VEPH1: variants seen among roughly 807,000 people sequenced by gnomAD.
VEPH1 encodes ventricular zone-expressed PH domain-containing protein homolog 1.
VEPH1 carries 80 observed loss-of-function variants against 85.2 expected under a neutral mutation model. That is an observed-to-expected ratio of 0.94 (90% CI 0.78 to 1.13). The LOEUF (loss-of-function observed/expected upper bound fraction) is 1.13. Among genes scored for constraint, VEPH1 ranks in the 50% most tolerant of loss-of-function variants. The pLI is 0.00. For synonymous variants in VEPH1, 297 were observed against 348.0 expected, an observed-to-expected ratio of 0.85 and a Z score of 1.63; for missense variants, 955 against 980.5, an observed-to-expected ratio of 0.97 and a Z score of 0.35.
chr3:157,389,957 G>A (rs1729701309), intron 6 of VEPH1, among the ~76,000 whole-genome samples: 1 of 152,012 alleles, frequency 6.6e-6, no homozygotes, highest in South Asian at 2.1e-4. Flanking sequence ...GCACTAATTG[G>A]GCTTTTCTTT....
In VEPH1 at chr3:157,488,484, T is replaced by A. The variant is rs146571396; in HGVS notation, c.138+6728A>T. On this transcript the variant is annotated intron_variant, in intron 2 of 13. Transcript: ENST00000362010. The stretch of plus-strand genomic sequence containing the variant: ...CACCTGGCATTCAGGAAACCATGAT[T>A]TTCTGACTTTCTTTCTTTCTTTCTT... Among the ~76,000 whole-genome samples the A allele has an allele frequency of 1.5e-4, 22 of 151,502 alleles. No individual in the cohort carries two copies. The East Asian group carries it at 4.3e-3, about 29-fold the overall frequency.
chr3:157,298,124 A>G (rs1718357349), intron 11 of VEPH1, among the ~76,000 whole-genome samples: 1 of 152,232 alleles, frequency 6.6e-6, no homozygotes, highest in South Asian at 2.1e-4. Context: ...TTATGAAATA[A>G]TAGTTTTATA....
intron 12 of VEPH1, among the ~76,000 whole-genome samples, chr3:157,282,597 G>A (rs185354874): frequency 6.6e-6 from 1 of 152,290 alleles, no homozygotes; most frequent in East Asian, 1.9e-4. Context: ...GTTGTTTTTT[G>A]TAGGGTGTAA....
intron 4 of VEPH1, among the ~76,000 whole-genome samples, chr3:157,439,470 A>C (rs2109214191): frequency 6.6e-6 from 1 of 152,334 alleles, no homozygotes; most frequent in South Asian, 2.1e-4. Context: ...TAATCAGAAA[A>C]ACCTATTAGT....
At chr3:157,439,262 T>C (rs1004045664) in intron 4 of VEPH1, among the ~76,000 whole-genome samples, 3 of 152,236 alleles carry the variant, frequency 2.0e-5, no homozygotes, top group Admixed American at 1.3e-4. Flanking sequence ...CTCTATTTTT[T>C]ATCTTCATCT....
intron 2 of VEPH1, among the ~76,000 whole-genome samples, chr3:157,484,336 G>T (rs2109638048): frequency 6.6e-6 from 1 of 152,268 alleles, no homozygotes; most frequent in Non-Finnish European, 1.5e-5. Flanking sequence ...ATGTTGCCCA[G>T]GCTGGAGTAC....
Position 157,259,874 on chromosome 3 carries a change from T to TA in VEPH1, c.*1259dup, listed in dbSNP as rs1712669664. ...AAGGCGTTGGCTGGGGCTGGGCTTT[T>TA]ATCTGAGGTTCAGATGCTTCTTCCA... On this transcript the variant is annotated 3_prime_UTR_variant, in exon 14 of 14. Coordinates refer to ENST00000362010, the MANE Select transcript of VEPH1 (RefSeq NM_001167912.2). 6.6e-6 allele frequency: 1 copy of TA among 152,246 alleles called. No homozygotes were observed. The highest frequency in any genetic ancestry group is 1.5e-5 in the Non-Finnish European group (1 of 68,056). 9.4% of individuals were successfully genotyped at this position (152,246 alleles called of 1,614,324 possible).
chr3:157,436,684 C>T, intron 4 of VEPH1: 1 of 371,136 alleles, frequency 2.7e-6, no homozygotes. Flanking sequence ...TAAACCTTTG[C>T]GGTTTAATAT....
At chr3:157,301,086 C>G (rs1559936926) in intron 11 of VEPH1, among the ~76,000 whole-genome samples, 1 of 152,180 alleles carries the variant, frequency 6.6e-6, no homozygotes, top group African/African-American at 2.4e-5. Flanking sequence ...TGATAAAAAT[C>G]CATCTTTTGC....
chr3:157,392,002 G>A (rs1157176021), intron 6 of VEPH1, among the ~76,000 whole-genome samples: 1 of 152,144 alleles, frequency 6.6e-6, no homozygotes, highest in African/African-American at 2.4e-5. Context: ...AAATGAAGGA[G>A]AAATAAAATA....
intron 4 of VEPH1, among the ~76,000 whole-genome samples, chr3:157,440,604 A>T (rs954552864): frequency 1.3e-5 from 2 of 152,078 alleles, no homozygotes; most frequent in African/African-American, 2.4e-5. Flanking sequence ...ATATATACAC[A>T]CACATTTATA....
chr3:157,338,491 A>G (rs1401406910), intron 9 of VEPH1, among the ~76,000 whole-genome samples: 1 of 152,230 alleles, frequency 6.6e-6, no homozygotes, highest in Non-Finnish European at 1.5e-5. Context: ...CCCCATCATG[A>G]TTAAAAGGTG....
At chr3:157,270,868 C>T (rs1048001024) in intron 12 of VEPH1, among the ~76,000 whole-genome samples, 10 of 151,836 alleles carry the variant, frequency 6.6e-5, no homozygotes, top group Admixed American at 5.9e-4. Context: ...GAAGTACAAG[C>T]CACATGTTAC....
intron 9 of VEPH1, 80 bp downstream of exon 9, chr3:157,363,284 T>A: frequency 7.4e-7 from 1 of 1,359,514 alleles, no homozygotes; most frequent in South Asian, 1.8e-5. Context: ...AAGAGTATGC[T>A]AATTTACCTG....
intron 9 of VEPH1, among the ~76,000 whole-genome samples, chr3:157,332,180 G>A (rs994348291): frequency 3.3e-5 from 5 of 152,140 alleles, no homozygotes; most frequent in African/African-American, 1.2e-4. Flanking sequence ...TAAGTATGGA[G>A]TTTATCACAG....
At chr3:157,316,086 A>G (rs1720725497) in intron 10 of VEPH1, 1 of 152,084 alleles carries the variant, frequency 6.6e-6, no homozygotes, top group Non-Finnish European at 1.5e-5. Flanking sequence ...CTCTTTTCTT[A>G]ATTGCTATAG....
chr3:157,378,422 A>G (rs1728400788), intron 7 of VEPH1, among the ~76,000 whole-genome samples: 1 of 147,046 alleles, frequency 6.8e-6, no homozygotes, highest in East Asian at 2.0e-4. Context: ...ACCTGGAGAC[A>G]TTTTTGGTTG....
rs1177115758 is a variant in VEPH1 at position 157,381,228 on chromosome 3, A to G, written c.1055T>C (p.Met352Thr). The change falls in exon 7 of 14, where the codon ATG becomes ACG. Residue 352 changes from methionine to threonine, a missense_variant. Coordinates refer to ENST00000362010, the MANE Select transcript of VEPH1 (RefSeq NM_001167912.2). Reference sequence around the variant, plus strand: ...AGCAATGGCGGTGAAGCTGTTGCTCATGCGGAAGATGTCTCTGCTCTGAGG... The same window carrying G: ...AGCAATGGCGGTGAAGCTGTTGCTCGTGCGGAAGATGTCTCTGCTCTGAGG... ...LGPQSRDIFRMSNSFTAIAKL... is the reference protein window; with the variant it reads ...LGPQSRDIFRTSNSFTAIAKL... 2 of 1,613,964 alleles carry G rather than the reference A, an allele frequency of 1.2e-6. No individual in the cohort carries two copies. The highest frequency in any genetic ancestry group is 2.7e-5 in the African/African-American group (2 of 74,898).
chr3:157,438,035 GCGCACACACACA>G (rs1733797080), intron 4 of VEPH1: 2 of 701,990 alleles, frequency 2.8e-6, no homozygotes, highest in African/African-American at 2.9e-5. Context: ...GCGCGCGCGC[GCGCACACACACA>G]CACACACACA....
Sources: gnomAD v4.1 joint callset for allele counts (sites outside exome capture counted in the v4.1 genomes callset) on GRCh38, gnomAD v4.1.1 for gene constraint, MANE v1.5 for transcripts, NCBI Gene and HGNC (gene_info 2026-07-23, HGNC 2026-07-21) for gene names.